EPB41L1: variants seen among roughly 807,000 people sequenced by gnomAD.
The protein encoded by EPB41L1 is band 4.1-like protein 1.
A neutral mutation model predicts 97.8 loss-of-function variants in EPB41L1; 29 were observed. That is an observed-to-expected ratio of 0.30 (90% CI 0.22 to 0.40). The LOEUF (loss-of-function observed/expected upper bound fraction) is 0.40. EPB41L1 is among the 10% of genes least tolerant of loss of function. The probability of loss-of-function intolerance (pLI) is 1.00; values close to 1 mark genes in which losing one functional copy is unlikely to be tolerated. For missense variants in EPB41L1, 812 were observed against 1,162.3 expected (o/e 0.70, Z 4.38); for synonymous variants, 383 against 459.2 (o/e 0.83, Z 2.12).
intron 1 of EPB41L1, among the ~76,000 whole-genome samples, chr20:36,100,651 GGCACA>G (rs1488627209): frequency 6.6e-6 from 1 of 152,234 alleles, no homozygotes; most frequent in Non-Finnish European, 1.5e-5. Flanking sequence ...GCCAGCAAGT[GGCACA>G]GCTGGGATTT....
intron 2 of EPB41L1, among the ~76,000 whole-genome samples, chr20:36,127,249 G>A (rs1434007902): frequency 6.6e-6 from 1 of 152,174 alleles, no homozygotes; most frequent in Non-Finnish European, 1.5e-5. Context: ...TGGGTCTGGC[G>A]GAATACAGTC....
intron 13 of EPB41L1, 32 bp from the exon 14 acceptor site, chr20:36,197,827 C>T (rs376846814): frequency 1.2e-6 from 2 of 1,614,002 alleles, no homozygotes; most frequent in Non-Finnish European, 1.7e-6. Flanking sequence ...AGCTGTTCCC[C>T]TAACACCACC....
intron 2 of EPB41L1, among the ~76,000 whole-genome samples, chr20:36,129,739 T>C (rs941557039): frequency 6.6e-6 from 1 of 152,164 alleles, no homozygotes; most frequent in Non-Finnish European, 1.5e-5. Flanking sequence ...AATACCGTTT[T>C]TTAATTTTAA....
At chr20:36,184,997 T>A (rs1450087772) in intron 6 of EPB41L1, 120 bp from the exon 7 acceptor site, 13 of 970,292 alleles carry the variant, frequency 1.3e-5, no homozygotes, top group Admixed American at 1.9e-5. Flanking sequence ...GAAGCGCCAA[T>A]GTCTACAAAC....
At chr20:36,131,933 G>A (rs1017262013) in intron 2 of EPB41L1, among the ~76,000 whole-genome samples, 2 of 152,096 alleles carry the variant, frequency 1.3e-5, no homozygotes, top group South Asian at 2.1e-4. Flanking sequence ...TCCCAGAGCC[G>A]TCACCTTCTT....
chr20:36,220,774 G>A (rs2047554623), intron 19 of EPB41L1, among the ~76,000 whole-genome samples: 1 of 152,132 alleles, frequency 6.6e-6, no homozygotes, highest in African/African-American at 2.4e-5. Flanking sequence ...CAGCAATAAG[G>A]ACAAGGGCTA....
intron 2 of EPB41L1, chr20:36,122,850 G>T (rs2058800383): frequency 6.6e-6 from 1 of 152,144 alleles, no homozygotes; most frequent in Non-Finnish European, 1.5e-5. Context: ...CACGTTGTAT[G>T]ATTCTAGTTG....
chr20:36,102,179 C>T (rs1177950521), intron 1 of EPB41L1, among the ~76,000 whole-genome samples: 4 of 152,226 alleles, frequency 2.6e-5, no homozygotes, highest in Middle Eastern at 3.4e-3. Context: ...GTCTCCCCAT[C>T]GAGATGATTG....
chr20:36,111,786 C>CAA lies in EPB41L1; in HGVS notation c.-64-623_-64-622dup, dbSNP rs397731410. Among the ~76,000 whole-genome samples the CAA allele has an allele frequency of 2.2e-3, 196 of 90,000 alleles. 3 individuals carry two copies. The highest frequency in any genetic ancestry group is 0.01 in the Middle Eastern group (2 of 200). The allele number at this position is 90,000 out of a possible 152,430, so 59.0% of individuals were successfully genotyped here. On this transcript the variant is annotated intron_variant, in intron 1 of 19. Coordinates refer to the EPB41L1 transcript ENST00000202028. ...TGGGCGACAGAGCGAGACTCTGTCT[C>CAA]AAAAAAAAAAAAAAAAAAGAGAAAA...
intron 2 of EPB41L1, among the ~76,000 whole-genome samples, chr20:36,118,794 A>G (rs905734457): frequency 1.3e-5 from 2 of 152,192 alleles, no homozygotes; most frequent in African/African-American, 4.8e-5. Flanking sequence ...TTACTTAAAA[A>G]TTTTGTTTTG....
chr20:36,114,965 G>A (rs1299096140), intron 2 of EPB41L1, among the ~76,000 whole-genome samples: 2 of 152,242 alleles, frequency 1.3e-5, no homozygotes, highest in Non-Finnish European at 2.9e-5. Flanking sequence ...TGGAGCTCTA[G>A]GTTGTAACAG....
At chr20:36,109,936 T>C (rs931913829) in intron 1 of EPB41L1, 5 of 145,038 alleles carry the variant, frequency 3.4e-5, no homozygotes, top group African/African-American at 1.4e-4. Flanking sequence ...GATCTTGACA[T>C]TGTTTTTTTT....
In EPB41L1 at chr20:36,195,465, C is replaced by A; in HGVS notation, c.1485+101C>A. Reference sequence around the variant, plus strand: ...CCCAGGCTCACTTCCCTGGCACCATCTCAGCTTCAACTTCATCTCTGCTCC... The same window carrying A: ...CCCAGGCTCACTTCCCTGGCACCATATCAGCTTCAACTTCATCTCTGCTCC... On this transcript the variant is annotated intron_variant, in intron 13 of 21. Transcript: ENST00000338074. The surrounding 1 kb of genome is among the most constrained non-coding windows in gnomAD (Gnocchi z 4.6). 2 of 1,395,452 alleles carry A rather than the reference C, an allele frequency of 1.4e-6. No individual in the cohort carries two copies. Among genetic ancestry groups the A allele is most frequent in the Non-Finnish European group, 2.0e-6 (2 of 988,212 alleles). 86.4% of individuals were successfully genotyped at this position (1,395,452 alleles called of 1,614,324 possible).
At chr20:36,138,297 C>T (rs1443388554) in intron 2 of EPB41L1, among the ~76,000 whole-genome samples, 1 of 148,868 alleles carries the variant, frequency 6.7e-6, no homozygotes, top group Non-Finnish European at 1.5e-5. Flanking sequence ...AAGAGTCTCG[C>T]TCTGTCAGCC....
intron 1 of EPB41L1, among the ~76,000 whole-genome samples, chr20:36,173,177 G>A (rs373433678): frequency 6.6e-6 from 1 of 152,196 alleles, no homozygotes; most frequent in Non-Finnish European, 1.5e-5. Context: ...CTTTTACATC[G>A]TCAAGCCTGC....
rs2063192362 is a variant in EPB41L1 at position 36,212,526 on chromosome 20, A to G, written c.2184+150A>G. ...TAATCCTGATGCTCTCCTGTGCCTC[A>G]GTGTCCTCTCTGAGCTCTGGGGAGG... is the stretch of plus-strand genomic sequence containing the variant. On this transcript the variant is annotated intron_variant, in intron 16 of 21. Transcript: ENST00000338074. This position sits in a 1 kb window ranked among gnomAD's most constrained non-coding sequence, Gnocchi z 4.8. 3 of 703,788 alleles carry G rather than the reference A, an allele frequency of 4.3e-6. No individual in the cohort carries two copies. The highest frequency in any genetic ancestry group is 1.7e-5 in the South Asian group (1 of 58,202). The allele number at this position is 703,788 out of a possible 1,614,324, so 43.6% of individuals were successfully genotyped here.
chr20:36,154,693 C>T (rs559956948), upstream of EPB41L1: 26 of 982,692 alleles, frequency 2.6e-5, no homozygotes, highest in East Asian at 2.5e-3. The surrounding 1 kb of genome is among the most constrained non-coding windows in gnomAD (Gnocchi z 5.5). Context: ...GGCACCGTGC[C>T]CAGCCCCTGG....
chr20:36,172,858 C>A (rs1041968559), intron 1 of EPB41L1, among the ~76,000 whole-genome samples: 1 of 152,168 alleles, frequency 6.6e-6, no homozygotes, highest in Non-Finnish European at 1.5e-5. Context: ...CCCTGGCCTC[C>A]CAAAGTGCTG....
chr20:36,102,280 G>A (rs1465955891), intron 1 of EPB41L1, among the ~76,000 whole-genome samples: 3 of 152,164 alleles, frequency 2.0e-5, no homozygotes, highest in East Asian at 1.9e-4. Context: ...TGTTAAGAGT[G>A]TGCATTGTCC....
Sources: gnomAD v4.1 joint callset for allele counts (sites outside exome capture counted in the v4.1 genomes callset) on GRCh38, gnomAD v4.1.1 for gene constraint, Gnocchi (gnomAD v3.1) non-coding constraint, MANE v1.5 for transcripts, NCBI Gene and HGNC (gene_info 2026-07-23, HGNC 2026-07-21) for gene names.